FUT8: variants seen among roughly 807,000 people sequenced by gnomAD.
The protein encoded by FUT8 is fucosyltransferase 8, also known as alpha-(1,6)-fucosyltransferase.
A neutral mutation model predicts 71.3 loss-of-function variants in FUT8; 29 were observed. The ratio of observed to expected loss-of-function variants is 0.41; its 90% CI spans 0.30 to 0.55. The LOEUF is 0.55. Among genes scored for constraint, FUT8 ranks in the 20% least tolerant of loss-of-function variants. FUT8 has a pLI of 0.34. For synonymous variants in FUT8, 254 were observed against 239.3 expected (o/e 1.06, Z -0.57); for missense variants, 544 against 702.1 (o/e 0.77, Z 2.55).
intron 9 of FUT8, among the ~76,000 whole-genome samples, chr14:65,726,723 T>C (rs1015437354): frequency 7.2e-5 from 11 of 152,184 alleles, no homozygotes; most frequent in African/African-American, 2.7e-4. Flanking sequence ...CCAGTCATAC[T>C]TTCCCAACAG....
At chr14:65,695,162 C>G (rs961429954) in intron 7 of FUT8, among the ~76,000 whole-genome samples, 6 of 152,140 alleles carry the variant, frequency 3.9e-5, no homozygotes, top group African/African-American at 1.4e-4. Flanking sequence ...ATGAAGTATT[C>G]TATAAATCAA....
At chr14:65,578,750 A>G (rs1886922978) in intron 3 of FUT8, among the ~76,000 whole-genome samples, 1 of 152,184 alleles carries the variant, frequency 6.6e-6, no homozygotes, top group Admixed American at 6.5e-5. Flanking sequence ...GAGAACAAAT[A>G]TAAATAGATT....
chr14:65,457,681 CAG>C (rs1216012714), intron 2 of FUT8, among the ~76,000 whole-genome samples: 1 of 151,952 alleles, frequency 6.6e-6, no homozygotes, highest in Non-Finnish European at 1.5e-5. Flanking sequence ...GGGTACGTGA[CAG>C]GGGCTGCATG....
At chr14:65,448,310 TG>T (rs552869404) in intron 1 of FUT8, among the ~76,000 whole-genome samples, 1 of 151,798 alleles carries the variant, frequency 6.6e-6, no homozygotes, top group Non-Finnish European at 1.5e-5. Flanking sequence ...ACCTATAGAA[TG>T]GGGGGGCGGA....
intron 2 of FUT8, among the ~76,000 whole-genome samples, chr14:65,537,560 T>G (rs977910129): frequency 1.3e-5 from 2 of 152,062 alleles, no homozygotes; most frequent in Non-Finnish European, 2.9e-5. Context: ...GCTAATTTTT[T>G]GTATTTTTAG....
At chr14:65,629,692 G>A in intron 6 of FUT8, 86 bp downstream of exon 6, 1 of 922,178 alleles carries the variant, frequency 1.1e-6, no homozygotes. Flanking sequence ...GTTGTTTTTA[G>A]TCTTCCTGGC....
chr14:65,686,157 G>T (rs373583973), intron 7 of FUT8, among the ~76,000 whole-genome samples: 6 of 152,332 alleles, frequency 3.9e-5, no homozygotes. Flanking sequence ...AGACACCTCA[G>T]AAATGGAGAG....
At chr14:65,694,748 A>G (rs925128568) in intron 7 of FUT8, among the ~76,000 whole-genome samples, 10 of 152,110 alleles carry the variant, frequency 6.6e-5, no homozygotes, top group African/African-American at 2.2e-4. Context: ...TTGTAGGGAC[A>G]TGGATGAAAT....
At chr14:65,436,607 C>T (rs1020004950) in intron 1 of FUT8, among the ~76,000 whole-genome samples, 5 of 140,190 alleles carry the variant, frequency 3.6e-5, no homozygotes, top group Admixed American at 1.5e-4. Flanking sequence ...CCAGCCTGGG[C>T]GACAGAGCGA....
intron 7 of FUT8, among the ~76,000 whole-genome samples, chr14:65,687,349 G>A (rs1893343501): frequency 6.6e-6 from 1 of 152,164 alleles, no homozygotes; most frequent in Non-Finnish European, 1.5e-5. Flanking sequence ...GAAAAAAAGA[G>A]AGATTGTGTT....
chr14:65,682,282 C>T (rs925665703), intron 7 of FUT8, among the ~76,000 whole-genome samples: 3 of 152,176 alleles, frequency 2.0e-5, no homozygotes, highest in Non-Finnish European at 2.9e-5. Flanking sequence ...GCAGGAGGAT[C>T]GCTTCAGACT....
chr14:65,412,124 C>T (rs1318080868), upstream of FUT8: 7 of 454,788 alleles, frequency 1.5e-5, no homozygotes, highest in Non-Finnish European at 3.1e-5. Flanking sequence ...GAACTCAGGC[C>T]CTCGTGGGGG....
the FUT8 span, among the ~76,000 whole-genome samples, chr14:65,392,477 CT>C: frequency 6.6e-6 from 1 of 151,880 alleles, no homozygotes; most frequent in Non-Finnish European, 1.5e-5. Flanking sequence ...CTCTTATCTG[CT>C]TTAAAATTTC....
chr14:65,568,704 T>C (rs1594776241), intron 3 of FUT8, among the ~76,000 whole-genome samples: 1 of 151,686 alleles, frequency 6.6e-6, no homozygotes. Flanking sequence ...GTTGAATGCT[T>C]AAGAAATGTG....
intron 1 of FUT8, among the ~76,000 whole-genome samples, chr14:65,421,986 G>A (rs1394121708): frequency 6.6e-6 from 1 of 152,004 alleles, no homozygotes; most frequent in Non-Finnish European, 1.5e-5. Flanking sequence ...AGAGTTGACA[G>A]TACTTTCTGT....
At chr14:65,434,186 G>A (rs989289103) in intron 1 of FUT8, among the ~76,000 whole-genome samples, 3 of 152,164 alleles carry the variant, frequency 2.0e-5, no homozygotes, top group African/African-American at 7.2e-5. Flanking sequence ...TGATTTATTG[G>A]CTATGTAAAT....
At chr14:65,530,571 T>C (rs1566805699) in intron 2 of FUT8, among the ~76,000 whole-genome samples, 1 of 152,212 alleles carries the variant, frequency 6.6e-6, no homozygotes, top group East Asian at 1.9e-4. Flanking sequence ...AAATGTTATT[T>C]AAATTAATTT....
At chr14:65,609,132 T>G (rs1344020825) in intron 3 of FUT8, among the ~76,000 whole-genome samples, 1 of 151,532 alleles carries the variant, frequency 6.6e-6, no homozygotes, top group Non-Finnish European at 1.5e-5. Context: ...CCGTCTCTAC[T>G]AAAAATATAA....
intron 2 of FUT8, among the ~76,000 whole-genome samples, chr14:65,541,598 G>A (rs1484816472): frequency 1.3e-5 from 2 of 152,130 alleles, no homozygotes; most frequent in African/African-American, 4.8e-5. Flanking sequence ...TTTAATTCAG[G>A]TGGTCCTCAA....
Sources: gnomAD v4.1 joint callset for allele counts (sites outside exome capture counted in the v4.1 genomes callset) on GRCh38, gnomAD v4.1.1 for gene constraint, MANE v1.5 for transcripts, NCBI Gene and HGNC (gene_info 2026-07-23, HGNC 2026-07-21) for gene names.